Variants in ACAD9 observed in about 807,000 individuals in gnomAD.
The protein encoded by ACAD9 is acyl-CoA dehydrogenase family member 9.
A neutral mutation model predicts 70.2 loss-of-function variants in ACAD9; 53 were observed. That is an observed-to-expected ratio of 0.75 (90% CI 0.61 to 0.95). The LOEUF (loss-of-function observed/expected upper bound fraction) is 0.95. ACAD9 is among the 40% of genes least tolerant of loss of function. ACAD9 has a pLI of 0.00. For synonymous variants in ACAD9, 313 were observed against 312.1 expected, an observed-to-expected ratio of 1.00 and a Z score of -0.03; for missense variants, 777 against 802.8, an observed-to-expected ratio of 0.97 and a Z score of 0.39.
intron 16 of ACAD9, 60 bp downstream of exon 16, chr3:128,910,209 AAT>A: frequency 6.2e-7 from 1 of 1,611,394 alleles, no homozygotes; most frequent in Admixed American, 1.7e-5. Flanking sequence ...GCTGCACTTT[AAT>A]GAAGTTGATT....
intron 1 of ACAD9, chr3:128,880,064 G>A: frequency 1.3e-6 from 2 of 1,504,958 alleles, no homozygotes; most frequent in Non-Finnish European, 8.9e-7. Context: ...TGGTGGTGAC[G>A]TGTTCCAGCT....
chr3:128,911,052 T>C (rs1276971628), intron 17 of ACAD9, among the ~76,000 whole-genome samples: 2 of 152,204 alleles, frequency 1.3e-5, no homozygotes, highest in Admixed American at 6.5e-5. Context: ...TGTGTGTATG[T>C]ATGTATGTAT....
At chr3:128,884,933 ATTGTATTTGTG>A (rs1261021607) in intron 2 of ACAD9, among the ~76,000 whole-genome samples, 187 bp downstream of exon 2, 1 of 152,186 alleles carries the variant, frequency 6.6e-6, no homozygotes, top group Non-Finnish European at 1.5e-5. Context: ...AATGCTTCTC[ATTGTATTTGTG>A]GTTCAGGAGC....
At chr3:128,894,853 T>C (rs1935523838) in intron 3 of ACAD9, among the ~76,000 whole-genome samples, 1 of 151,106 alleles carries the variant, frequency 6.6e-6, no homozygotes, top group Admixed American at 6.6e-5. Flanking sequence ...TTGTTTACTT[T>C]GTACCTTTCT....
Position 128,897,811 on chromosome 3 carries a change from A to T in ACAD9, c.633+101A>T, listed in dbSNP as rs536393871. 3.7e-6 allele frequency: 4 copies of T among 1,077,602 alleles called. No homozygotes were observed. In the South Asian group the frequency reaches 5.3e-5, roughly 14 times the overall value. 66.8% of individuals were successfully genotyped at this position (1,077,602 alleles called of 1,614,324 possible). On this transcript the variant is annotated intron_variant, in intron 6 of 17. Coordinates refer to ENST00000308982, the MANE Select transcript of ACAD9 (RefSeq NM_014049.5). ...CACCAGGGATTGTACCTGCTGCTGT[A>T]GCACCGACTACCTTCTTGAGCTGCT... is the stretch of plus-strand genomic sequence containing the variant.
At chr3:128,886,430 C>G (rs189579281) in intron 2 of ACAD9, among the ~76,000 whole-genome samples, 1 of 151,554 alleles carries the variant, frequency 6.6e-6, no homozygotes, top group East Asian at 2.0e-4. Context: ...ATAATCAGGC[C>G]AGGCGCGGTG....
chr3:128,890,556 G>A (rs1351668495), intron 2 of ACAD9, among the ~76,000 whole-genome samples: 2 of 151,810 alleles, frequency 1.3e-5, no homozygotes, highest in Admixed American at 6.6e-5. Flanking sequence ...CAAAAAATTA[G>A]CCGGGCGTGG....
chr3:128,901,245 C>T (rs746565226), intron 7 of ACAD9, 31 bp from the exon 8 acceptor site: 154 of 1,607,252 alleles, frequency 9.6e-5, no homozygotes, highest in Non-Finnish European at 1.2e-4. Flanking sequence ...TTTGCATTGT[C>T]AGATGATATC....
intron 11 of ACAD9, among the ~76,000 whole-genome samples, chr3:128,904,951 C>G (rs1935845179): frequency 6.6e-6 from 1 of 152,074 alleles, no homozygotes; most frequent in South Asian, 2.1e-4. Context: ...TCGAGACCAG[C>G]CTGGCCAACA....
chr3:128,905,131 A>G (rs1277349674), intron 11 of ACAD9, among the ~76,000 whole-genome samples: 9 of 152,144 alleles, frequency 5.9e-5, no homozygotes, highest in Middle Eastern at 3.2e-3. Flanking sequence ...CTAGGCAACA[A>G]GAGCAAAACT....
intron 11 of ACAD9, among the ~76,000 whole-genome samples, chr3:128,905,567 T>A (rs1935863598): frequency 6.6e-6 from 1 of 152,172 alleles, no homozygotes; most frequent in Admixed American, 6.5e-5. Flanking sequence ...AATAAAAAAT[T>A]AAAAACAAAA....
Position 128,904,104 on chromosome 3 carries a change from A to G in ACAD9, c.1001A>G (p.Lys334Arg), listed in dbSNP as rs775164114. Residue 334 changes from lysine (K) to arginine (R), a missense_variant, in exon 10 of 18, where the codon AAG becomes AGG. By Grantham distance (26) the Lys-to-Arg change is conservative. Coordinates refer to ENST00000308982, the MANE Select transcript of ACAD9 (RefSeq NM_014049.5). ...EYACTRKQFN[K>R]RLSEFGLIQE... ...GCCTGCACAAGGAAACAGTTTAACA[A>G]GAGGCTCAGTGAATTTGGATTGATT... 1.2e-6 allele frequency: 2 copies of G among 1,614,216 alleles called. No homozygotes were observed. The highest frequency in any genetic ancestry group is 1.1e-5 in the South Asian group (1 of 91,084).
chr3:128,909,130 T>A (rs1303068091), intron 14 of ACAD9, 31 bp downstream of exon 14: 1 of 1,613,434 alleles, frequency 6.2e-7, no homozygotes, highest in Admixed American at 1.7e-5. Context: ...TACCCCCTAT[T>A]TCAATGCCCT....
intron 1 of ACAD9, chr3:128,880,060 T>A (rs1475959693): frequency 2.4e-5 from 37 of 1,512,344 alleles, no homozygotes; most frequent in Non-Finnish European, 3.2e-5. Context: ...AATGTGGTGG[T>A]GACGTGTTCC....
At chr3:128,881,236 CT>C (rs2107638258) in intron 1 of ACAD9, among the ~76,000 whole-genome samples, 1 of 152,334 alleles carries the variant, frequency 6.6e-6, no homozygotes, top group Non-Finnish European at 1.5e-5. Flanking sequence ...TATCCTGGGA[CT>C]TCCTGCTATC....
intron 11 of ACAD9, among the ~76,000 whole-genome samples, chr3:128,905,746 A>G (rs1935866875): frequency 6.6e-6 from 1 of 152,214 alleles, no homozygotes; most frequent in South Asian, 2.1e-4. Flanking sequence ...AGGGCTAAAC[A>G]TGGCAGTATG....
chr3:128,908,531 G>A (rs113364941), intron 13 of ACAD9: 16 of 584,772 alleles, frequency 2.7e-5, no homozygotes, highest in Non-Finnish European at 4.6e-5. Flanking sequence ...AGAGGCAGCT[G>A]GTTTTTCAGA....
chr3:128,912,070 A>G (rs1043431178), intron 17 of ACAD9, among the ~76,000 whole-genome samples: 3 of 152,154 alleles, frequency 2.0e-5, no homozygotes, highest in Non-Finnish European at 4.4e-5. Context: ...CGTGTTGCCA[A>G]GTGATGGGTG....
chr3:128,906,326 G>C (rs930274064), intron 12 of ACAD9, 77 bp downstream of exon 12: 2 of 1,587,492 alleles, frequency 1.3e-6, no homozygotes, highest in Non-Finnish European at 1.7e-6. Flanking sequence ...TCAGGGCCTC[G>C]CAGAGGCCCC....
Sources: allele counts gnomAD v4.1 joint callset (sites outside exome capture counted in the v4.1 genomes callset), GRCh38; gene constraint gnomAD v4.1.1; transcripts MANE v1.5; gene names NCBI Gene and HGNC (gene_info 2026-07-23, HGNC 2026-07-21).